Variants in TBC1D32 observed in about 807,000 individuals in gnomAD.
TBC1D32 encodes the protein protein broad-minded.
TBC1D32 carries 151 observed loss-of-function variants against 170.3 expected under a neutral mutation model. That is an observed-to-expected ratio of 0.89 (90% CI 0.78 to 1.01). TBC1D32 has a LOEUF of 1.01. TBC1D32 is among the 50% of genes least tolerant of loss of function. The probability of loss-of-function intolerance (pLI) is 0.00; values close to 1 mark genes in which losing one functional copy is unlikely to be tolerated. For synonymous variants in TBC1D32, 498 were observed against 488.0 expected, an observed-to-expected ratio of 1.02 and a Z score of -0.27; for missense variants, 1,464 against 1,457.1, an observed-to-expected ratio of 1.00 and a Z score of -0.08.
At chr6:121,276,989 T>C (rs1028130177) in intron 15 of TBC1D32, among the ~76,000 whole-genome samples, 2 of 152,146 alleles carry the variant, frequency 1.3e-5, no homozygotes, top group African/African-American at 4.8e-5. Flanking sequence ...CTATCAGTAA[T>C]TGACAGATTC....
Position 121,103,544 on chromosome 6 carries a change from T to C in TBC1D32, c.3465+2479A>G, listed in dbSNP as rs150534209. ...GTGGGAATTGAACAACGAGAACACATAGACACAGGAAGGGGAACATTACAC... is the reference window on the plus strand; with the variant it reads ...GTGGGAATTGAACAACGAGAACACACAGACACAGGAAGGGGAACATTACAC... On this transcript the variant is annotated intron_variant, in intron 30 of 31. Transcript: ENST00000398212. Among the ~76,000 whole-genome samples the C allele has an allele frequency of 2.5e-3, 309 of 123,104 alleles. 5 individuals carry two copies. The East Asian group carries it at 0.055, about 22-fold the overall frequency. The allele number at this position is 123,104 out of a possible 152,430, so 80.8% of individuals were successfully genotyped here.
intron 27 of TBC1D32, among the ~76,000 whole-genome samples, chr6:121,114,122 C>T (rs900728180): frequency 6.6e-6 from 1 of 152,038 alleles, no homozygotes; most frequent in African/African-American, 2.4e-5. Context: ...TGCAGTGAGC[C>T]GAGATCGTGC....
chr6:121,328,929 G>A lies in TBC1D32; in HGVS notation c.155+5347C>T, dbSNP rs527431574. Among the ~76,000 whole-genome samples, 3 of 152,222 alleles carry A rather than the reference G, an allele frequency of 2.0e-5. No individual in the cohort carries two copies. In the South Asian group the frequency reaches 6.2e-4, roughly 32 times the overall value. On this transcript the variant is annotated intron_variant, in intron 1 of 31. Transcript: ENST00000398212. ...GGTACCAATGACACTATTACCAAAT[G>A]AATGCAAAATATCTTTTACAAAATA...
chr6:121,233,530 C>A (rs182760320), intron 20 of TBC1D32, among the ~76,000 whole-genome samples: 1 of 152,248 alleles, frequency 6.6e-6, no homozygotes, highest in Admixed American at 6.5e-5. Context: ...ATAGCTACTC[C>A]TGCTCACTTT....
intron 15 of TBC1D32, among the ~76,000 whole-genome samples, chr6:121,267,772 C>T (rs1800745028): frequency 6.6e-6 from 1 of 152,098 alleles, no homozygotes; most frequent in Non-Finnish European, 1.5e-5. Context: ...TAGTGGTTCT[C>T]CCTCTCTCCT....
chr6:121,086,535 C>CA (rs1183548454), intron 31 of TBC1D32, among the ~76,000 whole-genome samples: 2 of 152,210 alleles, frequency 1.3e-5, no homozygotes, highest in East Asian at 3.9e-4. Flanking sequence ...ATAGCACCAA[C>CA]AAAAAATCCC....
At chr6:121,148,179 C>A (rs1783721692) in intron 24 of TBC1D32, among the ~76,000 whole-genome samples, 1 of 152,042 alleles carries the variant, frequency 6.6e-6, no homozygotes, top group Admixed American at 6.6e-5. Context: ...TGTTCCCCTC[C>A]CTGTGCCCAT....
At chr6:121,158,593 G>A (rs1785200625) in intron 24 of TBC1D32, among the ~76,000 whole-genome samples, 1 of 152,118 alleles carries the variant, frequency 6.6e-6, no homozygotes, top group South Asian at 2.1e-4. Flanking sequence ...TTTTTGAATT[G>A]CCATGTGGAG....
chr6:121,319,680 A>G (rs905222410), intron 2 of TBC1D32, among the ~76,000 whole-genome samples: 8 of 152,344 alleles, frequency 5.3e-5, no homozygotes, highest in Admixed American at 3.3e-4. Flanking sequence ...CGCTTTGAAC[A>G]TGAATGTTTC....
intron 2 of TBC1D32, among the ~76,000 whole-genome samples, chr6:121,320,610 C>T (rs1809578167): frequency 6.6e-6 from 1 of 152,034 alleles, no homozygotes; most frequent in African/African-American, 2.4e-5. Context: ...AAATCTTAGC[C>T]TCTACAACTT....
At chr6:121,331,139 T>C (rs1323399257) in intron 1 of TBC1D32, among the ~76,000 whole-genome samples, 1 of 152,210 alleles carries the variant, frequency 6.6e-6, no homozygotes, top group African/African-American at 2.4e-5. Context: ...TTAAAAACCA[T>C]CTTCTTACAA....
chr6:121,090,132 C>T (rs1470604436), intron 31 of TBC1D32, among the ~76,000 whole-genome samples: 2 of 152,068 alleles, frequency 1.3e-5, no homozygotes, highest in Non-Finnish European at 2.9e-5. Context: ...CGGGGTTTCA[C>T]CGTGTTAGCC....
intron 21 of TBC1D32, among the ~76,000 whole-genome samples, chr6:121,221,959 T>G (rs939963289): frequency 6.6e-6 from 1 of 152,204 alleles, no homozygotes; most frequent in African/African-American, 2.4e-5. Context: ...ATCAAATACT[T>G]CAGAGAAATA....
chr6:121,102,136 T>C (rs191731904), intron 30 of TBC1D32, among the ~76,000 whole-genome samples: 1 of 152,084 alleles, frequency 6.6e-6, no homozygotes, highest in East Asian at 1.9e-4. Flanking sequence ...ATAGGAAGAA[T>C]CAACACCGTG....
chr6:121,229,277 T>C (rs1254614764), intron 20 of TBC1D32, among the ~76,000 whole-genome samples: 1 of 152,162 alleles, frequency 6.6e-6, no homozygotes, highest in East Asian at 1.9e-4. Context: ...ATCTAGACAC[T>C]ATAATTTTGT....
At chr6:121,314,023 A>T (rs1808595800) in intron 3 of TBC1D32, among the ~76,000 whole-genome samples, 1 of 152,224 alleles carries the variant, frequency 6.6e-6, no homozygotes, top group Non-Finnish European at 1.5e-5. Flanking sequence ...CCATGTACCC[A>T]ATAAGGAAAA....
intron 12 of TBC1D32, among the ~76,000 whole-genome samples, chr6:121,290,724 A>G (rs1172332627): frequency 6.6e-6 from 1 of 151,898 alleles, no homozygotes; most frequent in African/African-American, 2.4e-5. Context: ...GGCACTATTC[A>G]CAATAGCAAA....
chr6:121,310,702 G>T, intron 4 of TBC1D32, 77 bp downstream of exon 4: 1 of 934,562 alleles, frequency 1.1e-6, no homozygotes, highest in Non-Finnish European at 1.7e-6. Flanking sequence ...AAACAACCTG[G>T]TTGCTACTGA....
At chr6:121,198,246 T>TATAA (rs1554265802) in intron 22 of TBC1D32, among the ~76,000 whole-genome samples, 1 of 118,942 alleles carries the variant, frequency 8.4e-6, no homozygotes, top group African/African-American at 2.9e-5. Context: ...AATATATATA[T>TATAA]TATATATATA....
Sources: allele counts gnomAD v4.1 joint callset (sites outside exome capture counted in the v4.1 genomes callset), GRCh38; gene constraint gnomAD v4.1.1; transcripts MANE v1.5; gene names NCBI Gene and HGNC (gene_info 2026-07-23, HGNC 2026-07-21).